NBEA: variants seen among roughly 807,000 people sequenced by gnomAD.
The protein encoded by NBEA is lysosomal-trafficking regulator 2.
Under a neutral mutation model 343.4 loss-of-function variants are expected in NBEA, and 44 were observed. The ratio of observed to expected loss-of-function variants is 0.13; its 90% CI spans 0.10 to 0.16. The LOEUF is 0.16. NBEA is among the 10% of genes least tolerant of loss of function. The pLI, the probability that NBEA is intolerant of heterozygous loss-of-function variation, is 1.00. For missense variants in NBEA, 2,555 were observed against 3,631.3 expected (o/e 0.70, Z 7.62); for synonymous variants, 1,175 against 1,238.7 (o/e 0.95, Z 1.08).
At chr13:35,245,061 A>G (rs994141126) in intron 34 of NBEA, among the ~76,000 whole-genome samples, 2 of 152,000 alleles carry the variant, frequency 1.3e-5, no homozygotes, top group Non-Finnish European at 1.5e-5. Context: ...GACTTTACCA[A>G]TTTAGATGCC....
chr13:35,311,403 A>T (rs2037357940), intron 36 of NBEA, among the ~76,000 whole-genome samples: 1 of 151,954 alleles, frequency 6.6e-6, no homozygotes, highest in South Asian at 2.1e-4. Context: ...AATTAAGATT[A>T]TAGTAATAGG....
At chr13:35,011,167 T>C (rs1273073677) in intron 1 of NBEA, among the ~76,000 whole-genome samples, 1 of 151,966 alleles carries the variant, frequency 6.6e-6, no homozygotes, top group African/African-American at 2.4e-5. Flanking sequence ...GCAGATTATT[T>C]TGGTAACCCT....
chr13:35,065,512 T>C (rs2063619221), intron 8 of NBEA, among the ~76,000 whole-genome samples: 1 of 152,102 alleles, frequency 6.6e-6, no homozygotes, highest in Admixed American at 6.6e-5. Context: ...TTTTAAGAAA[T>C]TGTTCTTGTA....
At chr13:35,449,751 AATT>A (rs2046212705) in intron 39 of NBEA, among the ~76,000 whole-genome samples, 2 of 152,180 alleles carry the variant, frequency 1.3e-5, no homozygotes, top group East Asian at 1.9e-4. Flanking sequence ...CAGAAATAAT[AATT>A]ATCTATGGGC....
chr13:35,332,254 T>C (rs1162337178), intron 36 of NBEA, among the ~76,000 whole-genome samples: 1 of 151,988 alleles, frequency 6.6e-6, no homozygotes, highest in African/African-American at 2.4e-5. Context: ...TAAATAAATA[T>C]CCGGAACATC....
intron 10 of NBEA, among the ~76,000 whole-genome samples, chr13:35,085,587 A>G (rs140416184): frequency 0.016 from 2,465 of 152,270 alleles, 37 homozygotes; most frequent in Non-Finnish European, 0.024. Context: ...ATATCTTAAA[A>G]TAATAAGAGC....
intron 38 of NBEA, among the ~76,000 whole-genome samples, chr13:35,359,502 A>G (rs908961734): frequency 6.8e-6 from 1 of 147,494 alleles, no homozygotes; most frequent in Admixed American, 6.6e-5. Flanking sequence ...TCTACTTGCT[A>G]TTCTACCAAA....
chr13:35,106,990 ACAG>A (rs2065950955), intron 11 of NBEA, among the ~76,000 whole-genome samples: 1 of 151,876 alleles, frequency 6.6e-6, no homozygotes. Flanking sequence ...TTATCTAGTA[ACAG>A]GATCTGACTG....
chr13:35,595,522 C>A (rs1048764721), intron 47 of NBEA, among the ~76,000 whole-genome samples: 2 of 151,942 alleles, frequency 1.3e-5, no homozygotes, highest in African/African-American at 2.4e-5. Flanking sequence ...AGGCAGCATG[C>A]TACATATATA....
chr13:35,331,921 A>C (rs2038949523), intron 36 of NBEA, among the ~76,000 whole-genome samples: 1 of 151,996 alleles, frequency 6.6e-6, no homozygotes, highest in Admixed American at 6.6e-5. Flanking sequence ...GCTATTCTTA[A>C]ATTATCTGAT....
rs530063417 is a variant in NBEA, at chr13:35,458,481, A to G, written c.6448+6246A>G. Among the ~76,000 whole-genome samples the G allele has an allele frequency of 3.9e-5, 6 of 152,358 alleles. No individual in the cohort carries two copies. In the South Asian group the frequency reaches 1.2e-3, roughly 32 times the overall value. ...GGTAAACTGGAAAGCTGAGATAATTATTGAGTTAGTTTATATCAAAAGACA... is the reference window on the plus strand; with the variant it reads ...GGTAAACTGGAAAGCTGAGATAATTGTTGAGTTAGTTTATATCAAAAGACA... On this transcript the variant is annotated intron_variant, in intron 40 of 58. Coordinates refer to ENST00000379939, the MANE Select transcript of NBEA (RefSeq NM_001385012.1).
intron 49 of NBEA, among the ~76,000 whole-genome samples, chr13:35,629,766 T>G (rs2083375803): frequency 6.6e-6 from 1 of 152,236 alleles, no homozygotes; most frequent in Admixed American, 6.5e-5. Context: ...TTAATTAGTC[T>G]CAACTGTACA....
chr13:35,131,025 A>G (rs926950587), intron 17 of NBEA, among the ~76,000 whole-genome samples: 3 of 152,080 alleles, frequency 2.0e-5, no homozygotes, highest in African/African-American at 7.2e-5. Context: ...AAAAGCAGAA[A>G]GGTACTTAGG....
intron 18 of NBEA, among the ~76,000 whole-genome samples, chr13:35,154,371 A>T (rs746679207): frequency 1.3e-5 from 2 of 152,178 alleles, no homozygotes; most frequent in Admixed American, 6.5e-5. Flanking sequence ...GTGGTTTTGC[A>T]GCAGTTTTTG....
chr13:35,079,544 G>A (rs2064278525), intron 10 of NBEA, among the ~76,000 whole-genome samples: 1 of 152,026 alleles, frequency 6.6e-6, no homozygotes, highest in Non-Finnish European at 1.5e-5. Flanking sequence ...AAAGAATATA[G>A]GTCTCAATTT....
At chr13:35,215,686 T>C (rs1350641695) in intron 33 of NBEA, among the ~76,000 whole-genome samples, 1 of 151,732 alleles carries the variant, frequency 6.6e-6, no homozygotes, top group East Asian at 1.9e-4. Flanking sequence ...CTTTCTAAAC[T>C]CACATAATCG....
intron 1 of NBEA, among the ~76,000 whole-genome samples, chr13:34,949,433 G>A (rs1408409677): frequency 6.6e-6 from 1 of 152,164 alleles, no homozygotes; most frequent in African/African-American, 2.4e-5. Flanking sequence ...GTAAACAAAG[G>A]CCTGCATTCT....
chr13:35,347,604 T>C (rs891193136), intron 36 of NBEA, among the ~76,000 whole-genome samples: 1 of 152,104 alleles, frequency 6.6e-6, no homozygotes. Flanking sequence ...GCCAAATCAT[T>C]GTTTTTAATT....
chr13:34,942,915 G>GCGGTGGTGGCGGCAC lies in NBEA; in HGVS notation c.99_113dup (p.Gly35_Gly39dup). Reference sequence around the variant, plus strand: ...GCCGCTGGCGGAGGCGGCGGGGGCAGCGGTGGTGGCGGCACCGGGGGCAGC... The same window carrying GCGGTGGTGGCGGCAC: ...GCCGCTGGCGGAGGCGGCGGGGGCAGCGGTGGTGGCGGCACCGGTGGTGGCGGCACCGGGGGCAGC... On this transcript the variant is annotated inframe_insertion, in exon 1 of 59. Transcript: ENST00000379939. 1.3e-6 allele frequency: 2 copies of GCGGTGGTGGCGGCAC among 1,511,600 alleles called. No homozygotes were observed. The highest frequency in any genetic ancestry group is 2.5e-5 in the South Asian group (2 of 79,862). The allele number at this position is 1,511,600 out of a possible 1,614,324, so 93.6% of individuals were successfully genotyped here.
Sources: gnomAD v4.1 joint callset for allele counts (sites outside exome capture counted in the v4.1 genomes callset) on GRCh38, gnomAD v4.1.1 for gene constraint, MANE v1.5 for transcripts, NCBI Gene and HGNC (gene_info 2026-07-23, HGNC 2026-07-21) for gene names.